ACSL6: variants seen among roughly 807,000 people sequenced by gnomAD.
ACSL6 encodes acyl-CoA synthetase long chain family member 6.
A neutral mutation model predicts 98.2 loss-of-function variants in ACSL6; 47 were observed. The ratio of observed to expected loss-of-function variants is 0.48; its 90% CI spans 0.38 to 0.61. The LOEUF (loss-of-function observed/expected upper bound fraction) is 0.61, where lower values mean the gene tolerates loss of function less well. Among genes scored for constraint, ACSL6 ranks in the 20% least tolerant of loss-of-function variants. The pLI is 0.00. For missense variants in ACSL6, 761 were observed against 913.4 expected (o/e 0.83, Z 2.15); for synonymous variants, 362 against 336.9 (o/e 1.07, Z -0.82).
chr5:132,007,914 T>C (rs1042012495), intron 1 of ACSL6, among the ~76,000 whole-genome samples: 23 of 152,192 alleles, frequency 1.5e-4, no homozygotes, highest in Admixed American at 1.5e-3. Context: ...CTGAGTCCCA[T>C]CTGGGGCTGT....
intron 15 of ACSL6, 30 bp from the exon 16 acceptor site, chr5:131,968,058 T>A (rs1753113427): frequency 6.3e-7 from 1 of 1,598,214 alleles, no homozygotes; most frequent in Admixed American, 1.7e-5. Context: ...TGGCATTTGT[T>A]AGTGTTCAGA....
At chr5:131,987,973 G>A in intron 7 of ACSL6, 75 bp downstream of exon 7, 1 of 1,567,652 alleles carries the variant, frequency 6.4e-7, no homozygotes, top group Non-Finnish European at 8.7e-7. Context: ...GCATGAGAGG[G>A]ACAGATAACC....
rs759824988 is a variant in ACSL6, at chr5:131,960,560, C to T, written c.1919G>A (p.Arg640Lys). ...ATCTGCATATGTTCCTTCAATTCCTCTCTTCTGGGCCCAGGAGGGCATAAC... is the reference window on the plus strand; with the variant it reads ...ATCTGCATATGTTCCTTCAATTCCTTTCTTCTGGGCCCAGGAGGGCATAAC... The part of the protein sequence containing the change: ...PEVMPSWAQK[R>K]GIEGTYADLC... The change falls in exon 19 of 21, where the codon AGA (arginine) becomes AAA (lysine). Residue 640 changes from arginine to lysine, a missense_variant. Transcript: ENST00000651883. 1.9e-6 allele frequency: 3 copies of T among 1,614,150 alleles called. No individual in the cohort carries two copies. The highest frequency in any genetic ancestry group is 1.1e-5 in the South Asian group (1 of 91,072).
intron 10 of ACSL6, 103 bp downstream of exon 10, chr5:131,976,544 GA>G (rs34019873): frequency 0.12 from 93,433 of 767,758 alleles, 1,372 homozygotes; most frequent in African/African-American, 0.28. Flanking sequence ...GTTATATCAA[GA>G]AAAAAAAAAA....
intron 16 of ACSL6, among the ~76,000 whole-genome samples, chr5:131,967,063 G>A (rs1753050375): frequency 6.6e-6 from 1 of 152,178 alleles, no homozygotes; most frequent in African/African-American, 2.4e-5. Flanking sequence ...CAAAATTTGG[G>A]GCTGGGCATG....
At chr5:131,960,419 A>C in intron 19 of ACSL6, 101 bp downstream of exon 19, 17 of 835,886 alleles carry the variant, frequency 2.0e-5, no homozygotes, top group Non-Finnish European at 2.9e-5. Flanking sequence ...GAAATTTCGT[A>C]CGAGCTCGAA....
chr5:131,960,230 C>T (rs1306024558), intron 19 of ACSL6, among the ~76,000 whole-genome samples: 1 of 152,048 alleles, frequency 6.6e-6, no homozygotes, highest in Non-Finnish European at 1.5e-5. Context: ...GGCAAGTTAC[C>T]CCCCTCCCTG....
chr5:131,954,349 G>C lies in ACSL6; in HGVS notation c.2054C>G (p.Ser685Cys), dbSNP rs953272432. ...FEQVKAIHIH[S>C]DMFSVQNGLL... Reference sequence around the variant, plus strand: ...GCCATTTTGAACTGAGAACATGTCAGAATGGATGTGAATGGCTTTAACCTA... The same window carrying C: ...GCCATTTTGAACTGAGAACATGTCACAATGGATGTGAATGGCTTTAACCTA... Residue 685 changes from serine to cysteine, a missense_variant, in exon 21 of 21, where the codon TCT becomes TGT. Transcript: ENST00000651883. 1 of 1,612,542 alleles carries C rather than the reference G, an allele frequency of 6.2e-7. No homozygotes were observed. Among genetic ancestry groups the C allele is most frequent in the Non-Finnish European group, 8.5e-7 (1 of 1,179,606 alleles).
chr5:131,976,812 T>C lies in ACSL6; in HGVS notation c.917-91A>G, dbSNP rs943887944. On this transcript the variant is annotated intron_variant, in intron 9 of 20. Transcript: ENST00000651883. ...CCAAGTTGGCAGTCCCAGACACCCATGCTGTCTACCCAAGCCTCTGGCCTT... is the reference window on the plus strand; with the variant it reads ...CCAAGTTGGCAGTCCCAGACACCCACGCTGTCTACCCAAGCCTCTGGCCTT... 3.9e-6 allele frequency: 4 copies of C among 1,038,324 alleles called. No individual in the cohort carries two copies. In the African/African-American group the frequency reaches 6.3e-5, roughly 16 times the overall value. 64.3% of individuals were successfully genotyped at this position (1,038,324 alleles called of 1,614,324 possible). A position where few individuals can be genotyped will look rare whatever the true frequency, so the allele number is the denominator to read the frequency against.
chr5:131,958,077 A>C (rs942626034), intron 20 of ACSL6, among the ~76,000 whole-genome samples: 3 of 152,236 alleles, frequency 2.0e-5, no homozygotes, highest in African/African-American at 7.2e-5. Flanking sequence ...TAACCAGAGC[A>C]ATGGTTAACA....
intron 4 of ACSL6, 140 bp downstream of exon 4, chr5:131,989,960 C>T: frequency 1.1e-6 from 1 of 881,580 alleles, no homozygotes. Context: ...CCCTTCAAGG[C>T]TGTTGCCAGG....
chr5:131,988,790 T>C lies in ACSL6; in HGVS notation c.652+15A>G. ...ACCAGTTGCCAGTGGCAGGGTGGGG[T>C]GGCAGTGGGCTTACCTGTATTGATG... On this transcript the variant is annotated intron_variant, in intron 6 of 20. Transcript: ENST00000651883. 6.2e-7 allele frequency: 1 copy of C among 1,604,750 alleles called. No homozygotes were observed. Among genetic ancestry groups the C allele is most frequent in the South Asian group, 1.1e-5 (1 of 89,978 alleles).
Position 131,990,905 on chromosome 5 carries a change from A to G in ACSL6, c.333T>C (p.Tyr111=), listed in dbSNP as rs1754471750. 6.2e-7 allele frequency: 1 copy of G among 1,613,704 alleles called. No individual in the cohort carries two copies. The highest frequency in any genetic ancestry group is 1.3e-5 in the African/African-American group (1 of 74,784). ...CCTGGTACATGGTCCGGGCATCATC[A>G]TAGTAGTGGGTAAGTAGCTGAGGGC... is the stretch of plus-strand genomic sequence containing the variant. ...GSGPQLLTHY[Y]DDARTMYQVF... is the part of the protein sequence containing the mutation. The change falls in exon 3 of 21, where the codon TAT becomes TAC. Residue 111 remains tyrosine, a synonymous_variant. Coordinates refer to ENST00000651883, the MANE Select transcript of ACSL6 (RefSeq NM_001009185.3).
intron 15 of ACSL6, among the ~76,000 whole-genome samples, chr5:131,969,800 C>G (rs1037365573): frequency 6.6e-6 from 1 of 152,160 alleles, no homozygotes; most frequent in African/African-American, 2.4e-5. Context: ...AGGAACAGCT[C>G]TCATCCACAC....
chr5:131,990,031 C>A, intron 4 of ACSL6, 69 bp downstream of exon 4: 1 of 1,528,788 alleles, frequency 6.5e-7, no homozygotes, highest in South Asian at 1.2e-5. Flanking sequence ...TGCCCACATC[C>A]CTCCCTACCT....
At chr5:131,969,927 A>T (rs1301953619) in intron 15 of ACSL6, among the ~76,000 whole-genome samples, 1 of 152,186 alleles carries the variant, frequency 6.6e-6, no homozygotes, top group Non-Finnish European at 1.5e-5. Context: ...AGGATGAATA[A>T]AAAAGGGAAA....
chr5:131,971,686 G>A (rs750157343), intron 13 of ACSL6, 41 bp from the exon 14 acceptor site: 4 of 1,543,118 alleles, frequency 2.6e-6, no homozygotes, highest in Middle Eastern at 1.7e-4. Flanking sequence ...TGTGATGTCT[G>A]AGATGGTGTC....
intron 1 of ACSL6, among the ~76,000 whole-genome samples, chr5:131,998,714 G>C (rs1754914624): frequency 6.6e-6 from 1 of 152,168 alleles, no homozygotes; most frequent in African/African-American, 2.4e-5. Context: ...ACCAACCACA[G>C]CCCAGACTCC....
At chr5:132,004,439 A>G (rs1755270985) in intron 1 of ACSL6, among the ~76,000 whole-genome samples, 1 of 152,162 alleles carries the variant, frequency 6.6e-6, no homozygotes, top group South Asian at 2.1e-4. Context: ...ACCACTTTGG[A>G]GTTGATTTTG....
Sources: allele counts gnomAD v4.1 joint callset (sites outside exome capture counted in the v4.1 genomes callset), GRCh38; gene constraint gnomAD v4.1.1; transcripts MANE v1.5; gene names NCBI Gene and HGNC (gene_info 2026-07-23, HGNC 2026-07-21).